RBFOX1: variants seen among roughly 807,000 people sequenced by gnomAD.
The protein encoded by RBFOX1 is RNA binding fox-1 homolog 1.
A neutral mutation model predicts 57.7 loss-of-function variants in RBFOX1; 8 were observed. The observed-to-expected ratio is 0.14, with a 90% CI of 0.08 to 0.25. The LOEUF is 0.25. Ranked by LOEUF, RBFOX1 falls within the 10% of genes least tolerant of loss-of-function variation. The probability of loss-of-function intolerance (pLI) is 1.00; values close to 1 mark genes in which losing one functional copy is unlikely to be tolerated. For synonymous variants in RBFOX1, 326 were observed against 222.4 expected, an observed-to-expected ratio of 1.47 and a Z score of -4.15; for missense variants, 611 against 548.5, an observed-to-expected ratio of 1.11 and a Z score of -1.14.
At chr16:6,780,436 ATATATT>A (rs2080748946) in intron 3 of RBFOX1, among the ~76,000 whole-genome samples, 1 of 112,024 alleles carries the variant, frequency 8.9e-6, no homozygotes, top group African/African-American at 3.9e-5. Context: ...ATATTTATAG[ATATATT>A]TATATATACA....
At chr16:7,437,964 G>A (rs555121370) in intron 4 of RBFOX1, among the ~76,000 whole-genome samples, 18 of 151,804 alleles carry the variant, frequency 1.2e-4, no homozygotes, top group Non-Finnish European at 2.6e-4. Context: ...AATGTGCTAG[G>A]TCTTTGAAGC....
At chr16:6,205,440 T>A (rs964606185) in intron 1 of RBFOX1, among the ~76,000 whole-genome samples, 2 of 152,230 alleles carry the variant, frequency 1.3e-5, no homozygotes, top group African/African-American at 4.8e-5. Context: ...TTCAGATGAC[T>A]TTAGGGGAAG....
intron 1 of RBFOX1, among the ~76,000 whole-genome samples, chr16:6,155,957 AG>A (rs1170628662): frequency 6.6e-6 from 1 of 152,174 alleles, no homozygotes; most frequent in Non-Finnish European, 1.5e-5. Flanking sequence ...CTTAACCTGT[AG>A]GGTATCATTT....
intron 1 of RBFOX1, among the ~76,000 whole-genome samples, chr16:6,040,236 G>C (rs1000397480): frequency 6.6e-6 from 1 of 152,162 alleles, no homozygotes; most frequent in African/African-American, 2.4e-5. Context: ...TAACCATTTT[G>C]AAGTGTATGG....
chr16:5,601,850 T>A (rs1468470434), downstream of RBFOX1, among the ~76,000 whole-genome samples: 1 of 152,242 alleles, frequency 6.6e-6, no homozygotes, highest in Non-Finnish European at 1.5e-5. Flanking sequence ...ATTTCCCCAG[T>A]GCTTAGAATA....
intron 1 of RBFOX1, among the ~76,000 whole-genome samples, chr16:6,212,857 TAAG>T (rs1020877300): frequency 3.9e-5 from 6 of 152,178 alleles, no homozygotes; most frequent in South Asian, 2.1e-4. Flanking sequence ...CTGAAAAAGG[TAAG>T]AAGAAGAGAC....
chr16:6,645,981 C>G (rs8051511), intron 2 of RBFOX1, among the ~76,000 whole-genome samples: 7,083 of 152,124 alleles, frequency 0.047, 556 homozygotes, highest in African/African-American at 0.16. Context: ...CCATCTGTCG[C>G]CAGCAAGTGA....
At chr16:6,386,143 C>G (rs2092264034) in intron 2 of RBFOX1, among the ~76,000 whole-genome samples, 1 of 152,088 alleles carries the variant, frequency 6.6e-6, no homozygotes, top group Non-Finnish European at 1.5e-5. Context: ...CACCGTGTCA[C>G]TCAGGATGGT....
intron 2 of RBFOX1, among the ~76,000 whole-genome samples, chr16:6,599,462 C>A (rs1425925265): frequency 6.6e-6 from 1 of 152,040 alleles, no homozygotes; most frequent in Non-Finnish European, 1.5e-5. Flanking sequence ...AACAAGGACG[C>A]TTCAAAAAAA....
At chr16:7,248,068 A>G (rs964458650) in intron 4 of RBFOX1, among the ~76,000 whole-genome samples, 30 of 152,240 alleles carry the variant, frequency 2.0e-4, no homozygotes, top group Non-Finnish European at 2.9e-5. Context: ...AAAATAGAAT[A>G]TGGTTCTGGA....
chr16:6,733,505 GC>G (rs2069209657), intron 3 of RBFOX1, among the ~76,000 whole-genome samples: 1 of 152,146 alleles, frequency 6.6e-6, no homozygotes, highest in African/African-American at 2.4e-5. Context: ...GCTAGGTCAA[GC>G]TAGTCAACAT....
chr16:6,203,566 G>A (rs2097231203), intron 1 of RBFOX1, among the ~76,000 whole-genome samples: 1 of 152,110 alleles, frequency 6.6e-6, no homozygotes, highest in South Asian at 2.1e-4. Flanking sequence ...TATATCTCAT[G>A]GAGATTCTGA....
intron 3 of RBFOX1, among the ~76,000 whole-genome samples, chr16:6,893,623 G>C (rs976866870): frequency 6.6e-6 from 1 of 152,108 alleles, no homozygotes; most frequent in African/African-American, 2.4e-5. Context: ...GAGAAAAGGA[G>C]AACAAAAGCC....
chr16:6,011,100 G>C (rs2094958597), intron 4 of RBFOX1, among the ~76,000 whole-genome samples: 1 of 152,142 alleles, frequency 6.6e-6, no homozygotes, highest in Non-Finnish European at 1.5e-5. Flanking sequence ...AGGACTTAAA[G>C]TTAAGTGCAT....
At chr16:5,816,623 A>G (rs990560021) in intron 3 of RBFOX1, among the ~76,000 whole-genome samples, 7 of 152,154 alleles carry the variant, frequency 4.6e-5, no homozygotes. Context: ...GTTTCTATAA[A>G]AAAATACAAA....
intron 4 of RBFOX1, among the ~76,000 whole-genome samples, chr16:7,428,408 C>A (rs947892869): frequency 7.0e-6 from 1 of 142,830 alleles, no homozygotes; most frequent in Non-Finnish European, 1.5e-5. Context: ...TTCACTGCAA[C>A]TTTTGCCTCC....
intron 3 of RBFOX1, among the ~76,000 whole-genome samples, chr16:5,760,562 C>T (rs557545364): frequency 1.3e-5 from 2 of 152,180 alleles, no homozygotes; most frequent in South Asian, 2.1e-4. Flanking sequence ...TACCACAGAA[C>T]ACTATTTAGC....
At chr16:6,893,889 G>A (rs1433524699) in intron 3 of RBFOX1, among the ~76,000 whole-genome samples, 2 of 152,126 alleles carry the variant, frequency 1.3e-5, no homozygotes, top group Non-Finnish European at 2.9e-5. Context: ...GTCTGATAGG[G>A]TCAGCTGTCA....
chr16:5,766,090 A>G (rs2053767486), intron 3 of RBFOX1, among the ~76,000 whole-genome samples: 1 of 152,218 alleles, frequency 6.6e-6, no homozygotes, highest in South Asian at 2.1e-4. Flanking sequence ...CCTCCCGACC[A>G]AGGAATACTC....
Sources: allele counts gnomAD v4.1 joint callset (sites outside exome capture counted in the v4.1 genomes callset), GRCh38; gene constraint gnomAD v4.1.1; transcripts MANE v1.5; gene names NCBI Gene and HGNC (gene_info 2026-07-23, HGNC 2026-07-21).